Variants in ADAMTSL1 observed in about 807,000 individuals in gnomAD.
The protein encoded by ADAMTSL1 is ADAMTS like 1.
ADAMTSL1 carries 126 observed loss-of-function variants against 201.8 expected under a neutral mutation model. The observed-to-expected ratio is 0.62, with a 90% CI of 0.54 to 0.72. ADAMTSL1 has a LOEUF of 0.72. Ranked by LOEUF, ADAMTSL1 falls within the 30% of genes least tolerant of loss-of-function variation. The pLI is 0.00. For missense variants in ADAMTSL1, 2,679 were observed against 2,277.8 expected (o/e 1.18, Z -3.59); for synonymous variants, 1,121 against 903.4 (o/e 1.24, Z -4.32).
At chr9:18,423,634 A>G (rs1235629010) in intron 2 of ADAMTSL1, among the ~76,000 whole-genome samples, 2 of 152,252 alleles carry the variant, frequency 1.3e-5, no homozygotes, top group Non-Finnish European at 2.9e-5. Context: ...TAAAGAAAGC[A>G]ACATAAAAAT....
At chr9:18,582,931 A>G (rs773127898) in intron 4 of ADAMTSL1, among the ~76,000 whole-genome samples, 5 of 152,110 alleles carry the variant, frequency 3.3e-5, no homozygotes, top group African/African-American at 4.8e-5. Flanking sequence ...TTCCCTGCAC[A>G]AGCTCTCTTC....
intron 1 of ADAMTSL1, among the ~76,000 whole-genome samples, chr9:17,913,828 A>G (rs1378157759): frequency 6.7e-6 from 1 of 149,760 alleles, no homozygotes; most frequent in South Asian, 2.1e-4. Context: ...AATAAAAATG[A>G]TAATGGGGAT....
chr9:18,117,922 T>C lies in ADAMTSL1; in HGVS notation c.88-45940T>C, dbSNP rs537866486. The stretch of plus-strand genomic sequence containing the variant: ...GGGTTACAAATTTGTACTAACTCTA[T>C]CTTTTGCTTTAATGCTTGATCATTT... On this transcript the variant is annotated intron_variant, in intron 1 of 29. Transcript: ENST00000680146. Among the ~76,000 whole-genome samples the C allele has an allele frequency of 5.9e-5, 9 of 152,324 alleles. No homozygotes were observed. In the South Asian group the frequency reaches 1.9e-3, roughly 32 times the overall value.
chr9:18,329,492 A>T (rs372739708), intron 2 of ADAMTSL1, among the ~76,000 whole-genome samples: 1 of 152,206 alleles, frequency 6.6e-6, no homozygotes, highest in African/African-American at 2.4e-5. Flanking sequence ...GTCCACTACA[A>T]GAATGTTAAA....
intron 4 of ADAMTSL1, among the ~76,000 whole-genome samples, chr9:18,618,193 T>C (rs964918679): frequency 2.0e-5 from 3 of 152,248 alleles, no homozygotes; most frequent in Admixed American, 1.3e-4. Context: ...CTGTCATTTA[T>C]GGTATGTCTG....
intron 2 of ADAMTSL1, among the ~76,000 whole-genome samples, chr9:18,418,404 A>C (rs545390143): frequency 6.6e-6 from 1 of 152,292 alleles, no homozygotes; most frequent in South Asian, 2.1e-4. Context: ...TATACAGATC[A>C]GAAAGGAAAC....
intron 4 of ADAMTSL1, among the ~76,000 whole-genome samples, chr9:18,607,984 A>C (rs2132583723): frequency 6.6e-6 from 1 of 152,296 alleles, no homozygotes; most frequent in East Asian, 1.9e-4. Flanking sequence ...TCATTGTCGG[A>C]CATAAACCAC....
chr9:18,650,682 C>G (rs574831005), intron 7 of ADAMTSL1, among the ~76,000 whole-genome samples: 8 of 152,202 alleles, frequency 5.3e-5, no homozygotes, highest in Non-Finnish European at 1.0e-4. Flanking sequence ...TTTGGAATAT[C>G]CTTCTCTTGC....
At chr9:18,795,883 CTT>C (rs1269059684) in intron 20 of ADAMTSL1, among the ~76,000 whole-genome samples, 1 of 152,106 alleles carries the variant, frequency 6.6e-6, no homozygotes, top group African/African-American at 2.4e-5. Flanking sequence ...ATTGAAGACT[CTT>C]TTGGATCCTG....
At position 18,768,298 on chromosome 9, in the gene ADAMTSL1, A is replaced by C. The variant is rs142018147; in HGVS notation, c.2218-2304A>C. 6.7e-4 allele frequency among the ~76,000 whole-genome samples: 102 copies of C among 152,320 alleles called. 1 individual carries two copies. Among genetic ancestry groups the C allele is most frequent in the African/African-American group, 2.4e-3 (99 of 41,564 alleles). On this transcript the variant is annotated intron_variant, in intron 16 of 28. Coordinates refer to ENST00000380548, the MANE Select transcript of ADAMTSL1 (RefSeq NM_001040272.6). ...TCTGCAAGCACGCAGGAGTTGCTAC[A>C]ACCACGGAGGAGAGAAGCTGAGTTT...
intron 23 of ADAMTSL1, among the ~76,000 whole-genome samples, chr9:18,866,254 G>A (rs370774680): frequency 3.0e-4 from 46 of 152,190 alleles, no homozygotes; most frequent in African/African-American, 1.0e-3. Flanking sequence ...CATACACAGT[G>A]GGGATTCATG....
intron 26 of ADAMTSL1, among the ~76,000 whole-genome samples, chr9:18,899,284 G>A (rs533614170): frequency 3.3e-5 from 5 of 152,088 alleles, no homozygotes; most frequent in Non-Finnish European, 5.9e-5. Context: ...ACCACTGCTC[G>A]AGGAAATCAG....
intron 20 of ADAMTSL1, among the ~76,000 whole-genome samples, chr9:18,808,127 G>A (rs1020334781): frequency 6.6e-6 from 1 of 152,048 alleles, no homozygotes; most frequent in Non-Finnish European, 1.5e-5. Flanking sequence ...GGAAGAAGAG[G>A]AACCAGTTAA....
intron 3 of ADAMTSL1, among the ~76,000 whole-genome samples, chr9:18,544,122 A>T (rs1820333500): frequency 6.6e-6 from 1 of 152,154 alleles, no homozygotes; most frequent in Non-Finnish European, 1.5e-5. Context: ...CTCAATCTTG[A>T]AGTGGAAATA....
intron 1 of ADAMTSL1, among the ~76,000 whole-genome samples, chr9:18,503,423 A>ATATATATATATATATATATATATATT (rs1822949430): frequency 1.5e-5 from 1 of 66,722 alleles, no homozygotes; most frequent in Non-Finnish European, 3.8e-5. Context: ...TCCATTGTGT[A>ATATATATATATATATATATATATATT]TATATATATA....
At chr9:18,217,344 T>A (rs1042429085) in intron 2 of ADAMTSL1, among the ~76,000 whole-genome samples, 2 of 152,146 alleles carry the variant, frequency 1.3e-5, no homozygotes, top group Non-Finnish European at 1.5e-5. Flanking sequence ...TTTCACTGCA[T>A]CACTGTTGCT....
At chr9:18,661,028 G>C (rs1829056589) in intron 8 of ADAMTSL1, among the ~76,000 whole-genome samples, 1 of 152,112 alleles carries the variant, frequency 6.6e-6, no homozygotes, top group African/African-American at 2.4e-5. Context: ...ATTAGGGTAA[G>C]AATGATATAA....
intron 20 of ADAMTSL1, among the ~76,000 whole-genome samples, chr9:18,798,754 C>G (rs914712183): frequency 6.6e-6 from 1 of 152,208 alleles, no homozygotes; most frequent in African/African-American, 2.4e-5. Flanking sequence ...AAGATGCCTG[C>G]CATTGAGTTT....
intron 1 of ADAMTSL1, among the ~76,000 whole-genome samples, chr9:18,020,186 G>C (rs1820423270): frequency 6.6e-6 from 1 of 152,032 alleles, no homozygotes. Context: ...TTTCATGTGT[G>C]AAGGATGTGA....
Sources: gnomAD v4.1 joint callset for allele counts (sites outside exome capture counted in the v4.1 genomes callset) on GRCh38, gnomAD v4.1.1 for gene constraint, MANE v1.5 for transcripts, NCBI Gene and HGNC (gene_info 2026-07-23, HGNC 2026-07-21) for gene names.